BRAF: variants seen among roughly 807,000 people sequenced by gnomAD.
The protein encoded by BRAF is B-Raf proto-oncogene, serine/threonine kinase, also known as serine/threonine-protein kinase B-raf.
Under a neutral mutation model 104.6 loss-of-function variants are expected in BRAF, and 16 were observed. The observed-to-expected ratio is 0.15, with a 90% CI of 0.10 to 0.23. The LOEUF (loss-of-function observed/expected upper bound fraction) is 0.23. BRAF is among the 10% of genes least tolerant of loss of function. BRAF has a pLI of 1.00. For synonymous variants in BRAF, 310 were observed against 341.6 expected (o/e 0.91, Z 1.02); for missense variants, 541 against 937.3 (o/e 0.58, Z 5.52).
At chr7:140,851,319 G>T (rs1188892164) in intron 1 of BRAF, among the ~76,000 whole-genome samples, 2 of 152,004 alleles carry the variant, frequency 1.3e-5, no homozygotes, top group Admixed American at 6.6e-5. Flanking sequence ...CAGCTTTAAG[G>T]CTTGTCCAAA....
chr7:140,797,785 C>A (rs1802640395), intron 7 of BRAF, among the ~76,000 whole-genome samples: 2 of 152,134 alleles, frequency 1.3e-5, no homozygotes, highest in African/African-American at 4.8e-5. Flanking sequence ...ATTAGAAAGG[C>A]ATCATGGTCT....
At chr7:140,714,551 CA>C (rs1795097043), downstream of BRAF, among the ~76,000 whole-genome samples, 1 of 152,080 alleles carries the variant, frequency 6.6e-6, no homozygotes, top group African/African-American at 2.4e-5. Flanking sequence ...TGTGTGTTGA[CA>C]GAGAGTCTGT....
chr7:140,869,997 C>T (rs1370284490), intron 1 of BRAF, among the ~76,000 whole-genome samples: 9 of 151,410 alleles, frequency 5.9e-5, no homozygotes, highest in African/African-American at 1.7e-4. Context: ...GAAAGAAAGA[C>T]GATAAAAGAG....
At chr7:140,880,778 C>A (rs1340917717) in intron 1 of BRAF, among the ~76,000 whole-genome samples, 1 of 150,924 alleles carries the variant, frequency 6.6e-6, no homozygotes, top group Non-Finnish European at 1.5e-5. Flanking sequence ...TGAGACTAGC[C>A]TGGGAAACAT....
chr7:140,760,178 C>T (rs1385131645), intron 14 of BRAF, among the ~76,000 whole-genome samples: 16 of 152,066 alleles, frequency 1.1e-4, no homozygotes, highest in Non-Finnish European at 1.5e-5. Flanking sequence ...TTTGGGATGC[C>T]GAGATGGGCA....
At chr7:140,893,263 T>G (rs1814480253) in intron 1 of BRAF, among the ~76,000 whole-genome samples, 1 of 151,812 alleles carries the variant, frequency 6.6e-6, no homozygotes, top group African/African-American at 2.4e-5. Flanking sequence ...TTTTTTTTTT[T>G]TTTTGAGACA....
chr7:140,776,974 A>G lies in BRAF; in HGVS notation c.1752T>C (p.Ile584=), dbSNP rs149702741. Residue 584 remains isoleucine, a synonymous_variant, in exon 14 of 20, where the codon ATT becomes ATC. Transcript: ENST00000644969. ...GSSLYHHLHI[I]ETKFEMIKLI... ...GTTTGATCATCTCAAATTTGGTCTC[A>G]ATGATATGGAGATGGTGATACAAGC... The G allele has an allele frequency of 1.3e-4, 208 of 1,613,650 alleles. 1 individual carries two copies. Among genetic ancestry groups the G allele is most frequent in the Non-Finnish European group, 1.6e-4 (194 of 1,179,672 alleles).
intron 2 of BRAF, among the ~76,000 whole-genome samples, chr7:140,848,161 ATATT>A (rs1431697290): frequency 6.6e-6 from 1 of 152,228 alleles, no homozygotes; most frequent in Admixed American, 6.5e-5. Context: ...GGGAATAGAA[ATATT>A]TAGCCCAAAT....
intron 18 of BRAF, among the ~76,000 whole-genome samples, chr7:140,736,799 G>A (rs1023644778): frequency 6.6e-6 from 1 of 152,042 alleles, no homozygotes; most frequent in African/African-American, 2.4e-5. Flanking sequence ...CACTTTGGGA[G>A]GCTGAGGCGA....
intron 3 of BRAF, among the ~76,000 whole-genome samples, chr7:140,809,211 A>G (rs1000212081): frequency 3.9e-5 from 6 of 152,216 alleles, no homozygotes; most frequent in African/African-American, 1.4e-4. Flanking sequence ...TTAATTTTCT[A>G]TTTTATTAAA....
intron 1 of BRAF, among the ~76,000 whole-genome samples, chr7:140,906,118 A>T (rs1816297629): frequency 6.6e-6 from 1 of 150,884 alleles, no homozygotes; most frequent in Non-Finnish European, 1.5e-5. Flanking sequence ...AGAAATTAAA[A>T]CATATAATTT....
In BRAF at chr7:140,726,544, TA is replaced by T. The variant is rs1316510789; in HGVS notation, c.2402-29del. On this transcript the variant is annotated intron_variant, in intron 19 of 19. Coordinates refer to ENST00000644969, the MANE Select transcript of BRAF (RefSeq NM_001374258.1). Reference sequence around the variant, plus strand: ...GTAGAGGGAGGACAAGAGCTAATTTTAAAAAAGTCATCTCAAATAACCTAGA... The same window carrying T: ...GTAGAGGGAGGACAAGAGCTAATTTTAAAAAGTCATCTCAAATAACCTAGA... 3 of 1,513,858 alleles carry T rather than the reference TA, an allele frequency of 2.0e-6. No individual in the cohort carries two copies. The African/African-American group carries it at 4.1e-5, about 21-fold the overall frequency. The allele number at this position is 1,513,858 out of a possible 1,614,324, so 93.8% of individuals were successfully genotyped here.
At chr7:140,883,138 C>T (rs1265535732) in intron 1 of BRAF, among the ~76,000 whole-genome samples, 1 of 152,094 alleles carries the variant, frequency 6.6e-6, no homozygotes, top group African/African-American at 2.4e-5. Context: ...ATCTTCTTAT[C>T]TCTTGGCAAA....
At chr7:140,738,487 A>T (rs1796627647) in intron 18 of BRAF, among the ~76,000 whole-genome samples, 1 of 152,112 alleles carries the variant, frequency 6.6e-6, no homozygotes, top group Non-Finnish European at 1.5e-5. Context: ...CCCACTTGAA[A>T]CTGTACTGAT....
chr7:140,901,108 C>A (rs534826672), intron 1 of BRAF, among the ~76,000 whole-genome samples: 1 of 152,146 alleles, frequency 6.6e-6, no homozygotes, highest in South Asian at 2.1e-4. Context: ...CTATTATAAG[C>A]AAAGTGTGTC....
At chr7:140,729,550 G>A (rs543136535) in intron 19 of BRAF, among the ~76,000 whole-genome samples, 2 of 152,258 alleles carry the variant, frequency 1.3e-5, no homozygotes, top group Admixed American at 1.3e-4. Context: ...GGGAGGCTGA[G>A]GTGAGCAGAT....
At chr7:140,894,401 T>A (rs527643373) in intron 1 of BRAF, among the ~76,000 whole-genome samples, 1 of 152,340 alleles carries the variant, frequency 6.6e-6, no homozygotes, top group South Asian at 2.1e-4. Flanking sequence ...TTCAAACATG[T>A]AACTCTGAGA....
At chr7:140,892,022 G>A (rs1283533544) in intron 1 of BRAF, among the ~76,000 whole-genome samples, 1 of 152,164 alleles carries the variant, frequency 6.6e-6, no homozygotes, top group African/African-American at 2.4e-5. Flanking sequence ...TTCGGAGGCC[G>A]AGGCAGGTGG....
chr7:140,865,361 T>G (rs183498872), intron 1 of BRAF, among the ~76,000 whole-genome samples: 1 of 152,290 alleles, frequency 6.6e-6, no homozygotes, highest in East Asian at 1.9e-4. Flanking sequence ...ATTACACACA[T>G]GAGCCACTGC....
Sources: allele counts gnomAD v4.1 joint callset (sites outside exome capture counted in the v4.1 genomes callset), GRCh38; gene constraint gnomAD v4.1.1; transcripts MANE v1.5; gene names NCBI Gene and HGNC (gene_info 2026-07-23, HGNC 2026-07-21).